SPAG16: variants seen among roughly 807,000 people sequenced by gnomAD.
The protein encoded by SPAG16 is sperm associated antigen 16.
In SPAG16, 86 loss-of-function variants were observed where a neutral mutation model predicts 80.4. The observed-to-expected ratio is 1.07, with a 90% CI of 0.90 to 1.28. The LOEUF is 1.28. Ranked by LOEUF, SPAG16 falls within the 50% of genes most tolerant of loss-of-function variation. The pLI, the probability that SPAG16 is intolerant of heterozygous loss-of-function variation, is 0.00. For synonymous variants in SPAG16, 294 were observed against 265.9 expected (o/e 1.11, Z -1.03); for missense variants, 870 against 765.3 (o/e 1.14, Z -1.61).
intron 13 of SPAG16, among the ~76,000 whole-genome samples, chr2:214,068,471 C>T (rs1367349830): frequency 2.0e-5 from 3 of 152,128 alleles, no homozygotes; most frequent in East Asian, 1.9e-4. Context: ...ACATAGTACT[C>T]ATGGAGGTGG....
chr2:213,862,720 T>C, intron 11 of SPAG16, 92 bp downstream of exon 11: 1 of 1,434,960 alleles, frequency 7.0e-7, no homozygotes. Flanking sequence ...TGATGATGTT[T>C]TTCTTTCTGC....
chr2:213,355,341 A>G (rs1366110090), intron 7 of SPAG16, among the ~76,000 whole-genome samples: 1 of 150,702 alleles, frequency 6.6e-6, no homozygotes, highest in East Asian at 2.0e-4. Flanking sequence ...TGTCTTGGCT[A>G]TGCAGGCTCT....
intron 12 of SPAG16, among the ~76,000 whole-genome samples, chr2:213,946,073 G>A (rs1316020146): frequency 1.3e-5 from 2 of 152,148 alleles, no homozygotes; most frequent in African/African-American, 4.8e-5. Context: ...TAGGAGAAAA[G>A]TTGACCTGAC....
At chr2:213,449,907 TAATG>T (rs1358357625) in intron 9 of SPAG16, among the ~76,000 whole-genome samples, 3 of 152,246 alleles carry the variant, frequency 2.0e-5, no homozygotes, top group African/African-American at 7.2e-5. Flanking sequence ...TAATAATTTA[TAATG>T]AATGTCTACC....
intron 10 of SPAG16, among the ~76,000 whole-genome samples, chr2:213,694,066 G>A (rs2125304213): frequency 6.6e-6 from 1 of 150,534 alleles, no homozygotes; most frequent in African/African-American, 2.5e-5. Flanking sequence ...AAAAAAGAGA[G>A]GGAGAGAAAG....
intron 12 of SPAG16, among the ~76,000 whole-genome samples, chr2:214,006,208 A>G (rs2047020289): frequency 6.6e-6 from 1 of 152,198 alleles, no homozygotes; most frequent in African/African-American, 2.4e-5. Context: ...GTTGACCTGC[A>G]TATTCCTACA....
chr2:214,034,846 A>G (rs1193129553), intron 13 of SPAG16, among the ~76,000 whole-genome samples: 1 of 152,190 alleles, frequency 6.6e-6, no homozygotes, highest in Non-Finnish European at 1.5e-5. Flanking sequence ...TTTGCCTGCA[A>G]CATGGCAAGC....
In SPAG16 at chr2:213,890,276, A is replaced by G. The variant is rs1575469018; in HGVS notation, c.1214+27648A>G. Among the ~76,000 whole-genome samples, 3 of 152,232 alleles carry G rather than the reference A, an allele frequency of 2.0e-5. No homozygotes were observed. In the South Asian group the frequency reaches 6.2e-4, roughly 32 times the overall value. On this transcript the variant is annotated intron_variant, in intron 11 of 15. Coordinates refer to ENST00000331683, the MANE Select transcript of SPAG16 (RefSeq NM_024532.5). ...CCGAATATAGAACTGTAAAATCTAA[A>G]TAGAGAAACCATTGTGTTAAATCTG...
chr2:213,940,962 T>A (rs1276131433), intron 12 of SPAG16, among the ~76,000 whole-genome samples: 1 of 152,200 alleles, frequency 6.6e-6, no homozygotes, highest in Non-Finnish European at 1.5e-5. Flanking sequence ...ATTCTCATTA[T>A]CTATGTTCAT....
intron 8 of SPAG16, among the ~76,000 whole-genome samples, chr2:213,371,601 A>T (rs1161526673): frequency 6.6e-6 from 1 of 152,092 alleles, no homozygotes; most frequent in East Asian, 1.9e-4. Flanking sequence ...TTTCGGCAGA[A>T]GTTGGCATGT....
At chr2:214,397,375 G>T (rs113918445) in intron 15 of SPAG16, among the ~76,000 whole-genome samples, 1,613 of 152,116 alleles carry the variant, frequency 0.011, 35 homozygotes, top group African/African-American at 0.036. Flanking sequence ...GGCCAGGATG[G>T]TCTCAATCTC....
Position 213,322,334 on chromosome 2 carries a change from C to CAAAAAAAAAAAAAA in SPAG16, c.536+4987_536+5000dup, listed in dbSNP as rs755345457. 8.4e-5 allele frequency among the ~76,000 whole-genome samples: 2 copies of CAAAAAAAAAAAAAA among 23,706 alleles called. 1 individual carries two copies. The highest frequency in any genetic ancestry group is 1.7e-4 in the Non-Finnish European group (2 of 11,480). The allele number at this position is 23,706 out of a possible 152,430, so 15.6% of individuals were successfully genotyped here. On this transcript the variant is annotated intron_variant, in intron 5 of 15. Transcript: ENST00000331683. ...TCTTCTTTCCATAGTGTAGACAATGCAAAAAAAAAAAAAAAAAAAAAACAA... is the reference window on the plus strand; with the variant it reads ...TCTTCTTTCCATAGTGTAGACAATGCAAAAAAAAAAAAAAAAAAAAAAAAAAAAAAAAAAAACAA...
chr2:213,929,889 C>G (rs566597688), intron 11 of SPAG16, 71 bp from the exon 12 acceptor site: 24 of 1,342,064 alleles, frequency 1.8e-5, no homozygotes, highest in East Asian at 2.3e-5. Context: ...ACAAATTACT[C>G]ATAGAATGCA....
intron 13 of SPAG16, among the ~76,000 whole-genome samples, chr2:214,097,453 G>A (rs1168618652): frequency 1.3e-5 from 2 of 152,016 alleles, no homozygotes; most frequent in African/African-American, 4.8e-5. Flanking sequence ...GGACAAGAAC[G>A]CAACAGTGCA....
At position 214,108,276 on chromosome 2, in the gene SPAG16, C is replaced by T; in HGVS notation, c.1593+15C>T. 6.3e-7 allele frequency: 1 copy of T among 1,590,140 alleles called. No individual in the cohort carries two copies. Among genetic ancestry groups the T allele is most frequent in the Non-Finnish European group, 8.6e-7 (1 of 1,163,394 alleles). Reference sequence around the variant, plus strand: ...TTGATCCCAGGGTAAGTTCAGTTCTCCCAGTAAACTGTTTTTAATGCTTCA... The same window carrying T: ...TTGATCCCAGGGTAAGTTCAGTTCTTCCAGTAAACTGTTTTTAATGCTTCA... On this transcript the variant is annotated intron_variant, in intron 14 of 15. Coordinates refer to ENST00000331683, the MANE Select transcript of SPAG16 (RefSeq NM_024532.5).
intron 15 of SPAG16, among the ~76,000 whole-genome samples, chr2:214,396,820 A>G (rs1475421108): frequency 2.6e-5 from 4 of 152,054 alleles, no homozygotes; most frequent in African/African-American, 9.7e-5. Flanking sequence ...AGAACTTTTT[A>G]TAGATCTACA....
At position 213,588,803 on chromosome 2, in the gene SPAG16, C is replaced by G. The variant is rs556684156; in HGVS notation, c.1070+98713C>G. ...CGGCCTGGGCGACAGAGCGAGACTC[C>G]GTCTCAAAAAAAAAAAAAAAAAAAA... On this transcript the variant is annotated intron_variant, in intron 10 of 15. Transcript: ENST00000331683. 1.6e-4 allele frequency among the ~76,000 whole-genome samples: 9 copies of G among 56,452 alleles called. No homozygotes were observed. The Admixed American group carries it at 1.8e-3, about 12-fold the overall frequency. 37.0% of individuals were successfully genotyped at this position (56,452 alleles called of 152,430 possible).
intron 12 of SPAG16, among the ~76,000 whole-genome samples, chr2:214,012,792 C>T (rs191120309): frequency 1.9e-4 from 29 of 152,180 alleles, no homozygotes; most frequent in African/African-American, 6.5e-4. Flanking sequence ...ACAGCCTTTT[C>T]GTAAAATGGC....
intron 10 of SPAG16, among the ~76,000 whole-genome samples, chr2:213,803,352 G>A (rs567912398): frequency 1.3e-5 from 2 of 152,134 alleles, no homozygotes; most frequent in Non-Finnish European, 2.9e-5. Flanking sequence ...AGAGGAGTGA[G>A]ACAAAATATC....
Sources: allele counts gnomAD v4.1 joint callset (sites outside exome capture counted in the v4.1 genomes callset), GRCh38; gene constraint gnomAD v4.1.1; transcripts MANE v1.5; gene names NCBI Gene and HGNC (gene_info 2026-07-23, HGNC 2026-07-21).